HEATR6: variants seen among roughly 807,000 people sequenced by gnomAD.
HEATR6 encodes the protein HEAT repeat-containing protein 6.
In HEATR6, 106 loss-of-function variants were observed where a neutral mutation model predicts 132.8. The observed-to-expected ratio is 0.80, with a 90% confidence interval of 0.68 to 0.94. The LOEUF (loss-of-function observed/expected upper bound fraction) is 0.94, where lower values mean the gene tolerates loss of function less well. Among genes scored for constraint, HEATR6 ranks in the 40% least tolerant of loss-of-function variants. HEATR6 has a pLI of 0.00. For missense variants in HEATR6, 1,339 were observed against 1,425.1 expected (o/e 0.94, Z 0.97); for synonymous variants, 529 against 537.8 (o/e 0.98, Z 0.23).
intron 14 of HEATR6, among the ~76,000 whole-genome samples, chr17:60,052,011 T>C (rs1408393196): frequency 6.6e-6 from 1 of 152,152 alleles, no homozygotes; most frequent in Non-Finnish European, 1.5e-5. Flanking sequence ...CAAAGCTAGG[T>C]CATAAAAAGC....
chr17:60,074,117 G>A (rs1486542202), intron 2 of HEATR6: 2 of 1,239,046 alleles, frequency 1.6e-6, no homozygotes, highest in South Asian at 3.0e-5. Flanking sequence ...AGAACTTGAT[G>A]AAGTCCTTGT....
At chr17:60,058,558 CT>C (rs1416236332) in intron 11 of HEATR6, among the ~76,000 whole-genome samples, 1 of 152,120 alleles carries the variant, frequency 6.6e-6, no homozygotes, top group Non-Finnish European at 1.5e-5. Context: ...TTCTGGGTCC[CT>C]TTTTTACATA....
intron 9 of HEATR6, among the ~76,000 whole-genome samples, chr17:60,061,214 G>A (rs533951107): frequency 1.3e-5 from 2 of 152,208 alleles, no homozygotes; most frequent in Non-Finnish European, 2.9e-5. Context: ...TGAGTTTGGA[G>A]CAAAAAAGGT....
chr17:60,045,493 GC>G (rs560462197), intron 19 of HEATR6, among the ~76,000 whole-genome samples: 76 of 152,314 alleles, frequency 5.0e-4, no homozygotes, highest in Admixed American at 3.1e-3. Context: ...AGAGACAGAT[GC>G]CCTCCTTACA....
intron 14 of HEATR6, among the ~76,000 whole-genome samples, chr17:60,054,652 A>G (rs1906687083): frequency 6.6e-6 from 1 of 152,104 alleles, no homozygotes; most frequent in Admixed American, 6.5e-5. Flanking sequence ...CTTTTGGCTG[A>G]TTTCTCCCTG....
intron 12 of HEATR6, among the ~76,000 whole-genome samples, chr17:60,056,543 A>G (rs1490700407): frequency 1.3e-5 from 2 of 152,220 alleles, no homozygotes; most frequent in South Asian, 4.1e-4. Context: ...ATGAAAGGAC[A>G]TGCTTCATGC....
rs1364138996 is a variant in HEATR6, at chr17:60,046,109, C to A, written c.2890G>T (p.Val964Phe). Reference sequence around the variant, plus strand: ...ACTTTCATGGCAGCTTCTGTTAGAACAGTAGAAATTAGGGCCTGGATAGAC... The same window carrying A: ...ACTTTCATGGCAGCTTCTGTTAGAAAAGTAGAAATTAGGGCCTGGATAGAC... ...EESIQALIST[V>F]LTEAAMKVRW... Residue 964 changes from valine to phenylalanine, a missense_variant, in exon 19 of 20, where the codon GTT (valine) becomes TTT (phenylalanine). Transcript: ENST00000184956. The A allele has an allele frequency of 6.2e-7, 1 of 1,613,904 alleles. No homozygotes were observed. The highest frequency in any genetic ancestry group is 1.3e-5 in the African/African-American group (1 of 74,918).
chr17:60,070,947 AC>A, intron 5 of HEATR6, 140 bp from the exon 6 acceptor site: 1 of 573,824 alleles, frequency 1.7e-6, no homozygotes, highest in East Asian at 2.8e-5. Flanking sequence ...ACACATATAC[AC>A]ACACAAAGCA....
rs761704927 is a variant in HEATR6 at position 60,073,218 on chromosome 17, G to A, written c.530C>T (p.Ser177Phe). Residue 177 changes from serine to phenylalanine, a missense_variant, in exon 4 of 20, where the codon TCT becomes TTT. Ser to Phe is a radical substitution (Grantham distance 155, BLOSUM62 -2). Coordinates refer to ENST00000184956, the MANE Select transcript of HEATR6 (RefSeq NM_022070.5). The part of the protein sequence containing the change: ...LLMKLSDLAQ[S>F]DPEVRRAAVH... Reference sequence around the variant, plus strand: ...TGCAGCTCTCCTGACTTCAGGATCAGACTGAGCCAAGTCACTCAACTTCAT... The same window carrying A: ...TGCAGCTCTCCTGACTTCAGGATCAAACTGAGCCAAGTCACTCAACTTCAT... 6.2e-7 allele frequency: 1 copy of A among 1,613,814 alleles called. No homozygotes were observed. Among genetic ancestry groups the A allele is most frequent in the Non-Finnish European group, 8.5e-7 (1 of 1,179,762 alleles).
At position 60,043,300 on chromosome 17, in the gene HEATR6, T is replaced by C; in HGVS notation, c.*263A>G. On this transcript the variant is annotated 3_prime_UTR_variant, in exon 20 of 20. Coordinates refer to ENST00000184956, the MANE Select transcript of HEATR6 (RefSeq NM_022070.5). ...TGAGACTAAATGCCCTCAAAGCCCG[T>C]CTGCTTGGCCTGTATTACAACCTGA... 1 of 423,698 alleles carries C rather than the reference T, an allele frequency of 2.4e-6. No individual in the cohort carries two copies. Among genetic ancestry groups the C allele is most frequent in the Non-Finnish European group, 4.2e-6 (1 of 238,116 alleles). 26.2% of individuals were successfully genotyped at this position (423,698 alleles called of 1,614,324 possible). A position where few individuals can be genotyped will look rare whatever the true frequency, so the allele number is the denominator to read the frequency against.
At chr17:60,062,147 T>C (rs1221184662) in intron 9 of HEATR6, among the ~76,000 whole-genome samples, 1 of 152,256 alleles carries the variant, frequency 6.6e-6, no homozygotes, top group Non-Finnish European at 1.5e-5. Flanking sequence ...CATATCTTTG[T>C]TGTTATAATT....
At position 60,069,825 on chromosome 17, in the gene HEATR6, A is replaced by G; in HGVS notation, c.825T>C (p.Pro275=). The G allele has an allele frequency of 6.2e-7, 1 of 1,614,078 alleles. No homozygotes were observed. Among genetic ancestry groups the G allele is most frequent in the South Asian group, 1.1e-5 (1 of 91,062 alleles). The stretch of plus-strand genomic sequence containing the variant: ...CCGTGGGCATCTCTATGTTTAGTCC[A>G]GGGAGTCCGTGAAACATGAATTTCT... ...VLKKFMFHGL[P]GLNIEMPTVL... The change falls in exon 7 of 20, where the codon CCT becomes CCC. Residue 275 remains proline, a synonymous_variant. Transcript: ENST00000184956.
intron 14 of HEATR6, among the ~76,000 whole-genome samples, chr17:60,051,965 A>C (rs1203752273): frequency 6.6e-6 from 1 of 152,188 alleles, no homozygotes; most frequent in Non-Finnish European, 1.5e-5. Context: ...CTGTGTAACC[A>C]ATAGGATTGT....
At chr17:60,054,303 T>C (rs912493404) in intron 14 of HEATR6, among the ~76,000 whole-genome samples, 4 of 152,206 alleles carry the variant, frequency 2.6e-5, no homozygotes, top group Non-Finnish European at 5.9e-5. Flanking sequence ...TCCACCTAGA[T>C]TTCAGAGGAT....
intron 14 of HEATR6, among the ~76,000 whole-genome samples, chr17:60,052,702 C>G (rs1045864664): frequency 4.6e-5 from 7 of 152,192 alleles, no homozygotes; most frequent in Non-Finnish European, 1.0e-4. Context: ...ACCACCAACA[C>G]TGAGCTAATT....
chr17:60,070,672 G>T, intron 6 of HEATR6, 34 bp downstream of exon 6: 1 of 1,243,450 alleles, frequency 8.0e-7, no homozygotes, highest in South Asian at 1.2e-5. Context: ...GGTTGAAACA[G>T]GAAAGACAAT....
At position 60,041,676 on chromosome 17, in the gene HEATR6, T is replaced by G. The variant is rs2031287863; in HGVS notation, c.*1887A>C. On this transcript the variant is annotated 3_prime_UTR_variant, in exon 20 of 20. Transcript: ENST00000184956. ...TCTGTGGACACTGATATTCTATCAATGGAAAATTGAGCCTTTAGTGAACTT... is the reference window on the plus strand; with the variant it reads ...TCTGTGGACACTGATATTCTATCAAGGGAAAATTGAGCCTTTAGTGAACTT... Among the ~76,000 whole-genome samples, 1 of 152,178 alleles carries G rather than the reference T, an allele frequency of 6.6e-6. No homozygotes were observed. The highest frequency in any genetic ancestry group is 2.4e-5 in the African/African-American group (1 of 41,448).
chr17:60,075,888 T>C (rs1253953085), intron 2 of HEATR6: 2 of 275,136 alleles, frequency 7.3e-6, no homozygotes, highest in Non-Finnish European at 1.3e-5. Context: ...GCCTGAATGA[T>C]ATTGGTTTAC....
intron 6 of HEATR6, 37 bp from the exon 7 acceptor site, chr17:60,069,885 A>C (rs1466705556): frequency 6.3e-7 from 1 of 1,598,256 alleles, no homozygotes; most frequent in Non-Finnish European, 8.5e-7. Context: ...CACACACACG[A>C]AACCAAAAAA....
Sources: allele counts gnomAD v4.1 joint callset (sites outside exome capture counted in the v4.1 genomes callset), GRCh38; gene constraint gnomAD v4.1.1; transcripts MANE v1.5; gene names NCBI Gene and HGNC (gene_info 2026-07-23, HGNC 2026-07-21).